Variants in CLSTN2 observed in about 807,000 individuals in gnomAD.
CLSTN2 encodes the protein calsyntenin 2, also known as calsyntenin-2.
A neutral mutation model predicts 101.2 loss-of-function variants in CLSTN2; 48 were observed. That is an observed-to-expected ratio of 0.47 (90% CI 0.38 to 0.60). The LOEUF (loss-of-function observed/expected upper bound fraction) is 0.60. CLSTN2 is among the 20% of genes least tolerant of loss of function. The pLI is 0.00. For missense variants in CLSTN2, 1,160 were observed against 1,238.2 expected (o/e 0.94, Z 0.95); for synonymous variants, 481 against 463.6 (o/e 1.04, Z -0.48).
At chr3:140,550,849 T>TAA (rs1363591873) in intron 10 of CLSTN2, among the ~76,000 whole-genome samples, 2 of 149,556 alleles carry the variant, frequency 1.3e-5, no homozygotes, top group African/African-American at 5.1e-5. Context: ...AGCTTGGTTA[T>TAA]AAAGGCTTGG....
intron 2 of CLSTN2, among the ~76,000 whole-genome samples, chr3:140,375,722 A>G (rs918155177): frequency 6.6e-6 from 1 of 151,962 alleles, no homozygotes; most frequent in Non-Finnish European, 1.5e-5. Flanking sequence ...TATCTTGCTC[A>G]TTTTTATTTT....
chr3:140,557,814 G>A (rs1022439743), intron 11 of CLSTN2, among the ~76,000 whole-genome samples: 2 of 152,188 alleles, frequency 1.3e-5, no homozygotes, highest in African/African-American at 4.8e-5. Context: ...AGATGACCAG[G>A]GGAGAGGGCT....
intron 1 of CLSTN2, among the ~76,000 whole-genome samples, chr3:139,952,888 T>C (rs951396777): frequency 2.0e-5 from 3 of 152,116 alleles, no homozygotes; most frequent in Non-Finnish European, 4.4e-5. Flanking sequence ...CTTACGTTTG[T>C]TTTTACCAGG....
At chr3:140,190,109 G>A (rs1159879568) in intron 2 of CLSTN2, among the ~76,000 whole-genome samples, 1 of 152,102 alleles carries the variant, frequency 6.6e-6, no homozygotes, top group Non-Finnish European at 1.5e-5. Context: ...TGAGGGCTCT[G>A]CCCTCATGAC....
chr3:140,412,538 T>C (rs1017065254), intron 4 of CLSTN2, among the ~76,000 whole-genome samples: 5 of 152,174 alleles, frequency 3.3e-5, no homozygotes, highest in Non-Finnish European at 5.9e-5. Context: ...ACAGAGAAAC[T>C]TGGAGAACTG....
At chr3:140,356,754 C>CT (rs1448443643) in intron 2 of CLSTN2, among the ~76,000 whole-genome samples, 2 of 54,574 alleles carry the variant, frequency 3.7e-5, no homozygotes, top group African/African-American at 1.3e-4. Context: ...TGGACCTTGT[C>CT]TCAAAAAAAA....
Position 140,353,624 on chromosome 3 carries a change from C to A in CLSTN2, c.233-50005C>A, listed in dbSNP as rs137855376. 4.9e-4 allele frequency among the ~76,000 whole-genome samples: 75 copies of A among 152,252 alleles called. 1 individual carries two copies. In the East Asian group the frequency reaches 0.012, roughly 25 times the overall value. On this transcript the variant is annotated intron_variant, in intron 2 of 16. Coordinates refer to ENST00000458420, the MANE Select transcript of CLSTN2 (RefSeq NM_022131.3). Reference sequence around the variant, plus strand: ...ATCCTTCAATCCAATCAAGTTGATACTCAGTATTAACCATCACACCAATGA... The same window carrying A: ...ATCCTTCAATCCAATCAAGTTGATAATCAGTATTAACCATCACACCAATGA...
intron 2 of CLSTN2, among the ~76,000 whole-genome samples, chr3:140,298,716 C>T (rs1392928269): frequency 6.6e-6 from 1 of 152,184 alleles, no homozygotes; most frequent in East Asian, 1.9e-4. Context: ...CCTCCAAAAG[C>T]CCATTGTCCA....
rs908332238 is a variant in CLSTN2 at position 140,045,751 on chromosome 3, A to G, written c.109+110268A>G. Among the ~76,000 whole-genome samples, 7 of 152,142 alleles carry G rather than the reference A, an allele frequency of 4.6e-5. No individual in the cohort carries two copies. The East Asian group carries it at 1.3e-3, about 29-fold the overall frequency. On this transcript the variant is annotated intron_variant, in intron 1 of 16. Transcript: ENST00000458420. ...CTCATTGGTTTCAAAGAACATCTTT[A>G]TTTCTGCCTTCATTTCGTTATGTAC...
chr3:140,168,754 TCTC>T (rs1218331927), intron 1 of CLSTN2, among the ~76,000 whole-genome samples: 2 of 152,200 alleles, frequency 1.3e-5, no homozygotes, highest in Admixed American at 6.5e-5. Context: ...AATAAACTAT[TCTC>T]CTCCCCATTT....
At chr3:140,328,098 AT>A (rs1006169199) in intron 2 of CLSTN2, among the ~76,000 whole-genome samples, 1 of 152,088 alleles carries the variant, frequency 6.6e-6, no homozygotes, top group Non-Finnish European at 1.5e-5. Flanking sequence ...CTTGGTACTG[AT>A]TTAACTTCTT....
intron 8 of CLSTN2, among the ~76,000 whole-genome samples, chr3:140,512,521 T>G (rs1169199135): frequency 3.9e-5 from 6 of 152,210 alleles, no homozygotes; most frequent in Admixed American, 3.9e-4. Context: ...TACTATAGTC[T>G]TGTAGTGTAG....
chr3:140,383,934 G>A (rs889311537), intron 2 of CLSTN2, among the ~76,000 whole-genome samples: 11 of 152,166 alleles, frequency 7.2e-5, no homozygotes, highest in African/African-American at 2.7e-4. Context: ...CAATATCCAC[G>A]TACTGTGAAG....
intron 8 of CLSTN2, among the ~76,000 whole-genome samples, chr3:140,513,581 T>C (rs1423319384): frequency 1.4e-5 from 1 of 71,802 alleles, no homozygotes; most frequent in African/African-American, 4.4e-5. Context: ...TTTTTTTTCT[T>C]TCTTTTTTTT....
intron 1 of CLSTN2, among the ~76,000 whole-genome samples, chr3:140,070,141 T>C (rs6772844): frequency 0.4 from 60,497 of 152,074 alleles, 13,682 homozygotes; most frequent in African/African-American, 0.6. Context: ...TATTTTGATT[T>C]CATTTAGATG....
In CLSTN2 at chr3:140,016,139, G is replaced by C. The variant is rs141236570; in HGVS notation, c.109+80656G>C. On this transcript the variant is annotated intron_variant, in intron 1 of 16. Coordinates refer to ENST00000458420, the MANE Select transcript of CLSTN2 (RefSeq NM_022131.3). Reference sequence around the variant, plus strand: ...GTGGCATGTGCAGAGGCATGGCTGTGGGGTGGGTGGGAGATGAAAGCTTGG... The same window carrying C: ...GTGGCATGTGCAGAGGCATGGCTGTCGGGTGGGTGGGAGATGAAAGCTTGG... Among the ~76,000 whole-genome samples, 808 of 152,300 alleles carry C rather than the reference G, an allele frequency of 5.3e-3. 10 individuals carry two copies. The highest frequency in any genetic ancestry group is 0.017 in the African/African-American group (710 of 41,570).
At chr3:140,411,802 A>C (rs2088367088) in intron 4 of CLSTN2, among the ~76,000 whole-genome samples, 1 of 152,216 alleles carries the variant, frequency 6.6e-6, no homozygotes, top group South Asian at 2.1e-4. Flanking sequence ...CCTTGCCATT[A>C]GAAATTAGGC....
intron 4 of CLSTN2, among the ~76,000 whole-genome samples, chr3:140,409,434 A>G (rs2088338722): frequency 1.3e-5 from 2 of 152,176 alleles, no homozygotes; most frequent in Non-Finnish European, 2.9e-5. Flanking sequence ...ACCTGAACCA[A>G]TAAGACATTG....
intron 2 of CLSTN2, among the ~76,000 whole-genome samples, chr3:140,200,397 C>G (rs376357735): frequency 6.6e-6 from 1 of 152,102 alleles, no homozygotes; most frequent in East Asian, 1.9e-4. Context: ...ACGTAATGAC[C>G]GCCAAAAAGA....
Sources: gnomAD v4.1 joint callset for allele counts (sites outside exome capture counted in the v4.1 genomes callset) on GRCh38, gnomAD v4.1.1 for gene constraint, MANE v1.5 for transcripts, NCBI Gene and HGNC (gene_info 2026-07-23, HGNC 2026-07-21) for gene names.